The following C1QTNF3 variants were observed in gnomAD, a reference collection of about 807,000 sequenced individuals.
The protein encoded by C1QTNF3 is C1q and TNF related 3, also known as complement C1q tumor necrosis factor-related protein 3.
In C1QTNF3, 26 loss-of-function variants were observed where a neutral mutation model predicts 32.6. The ratio of observed to expected loss-of-function variants is 0.80; its 90% confidence interval spans 0.58 to 1.11. The LOEUF (loss-of-function observed/expected upper bound fraction) is 1.11. C1QTNF3 is among the 50% of genes least tolerant of loss of function. The pLI is 0.00. For synonymous variants in C1QTNF3, 155 were observed against 146.0 expected, an observed-to-expected ratio of 1.06 and a Z score of -0.44; for missense variants, 362 against 398.2, an observed-to-expected ratio of 0.91 and a Z score of 0.77.
the C1QTNF3 span, among the ~76,000 whole-genome samples, chr5:34,088,039 A>G: frequency 1.3e-5 from 2 of 152,384 alleles, no homozygotes; most frequent in South Asian, 4.2e-4. Flanking sequence ...AACTCCTAAA[A>G]ATTTAAGCAA....
At chr5:34,029,988 G>C (rs115731056) in intron 3 of C1QTNF3, among the ~76,000 whole-genome samples, 2 of 151,978 alleles carry the variant, frequency 1.3e-5, no homozygotes, top group Admixed American at 6.5e-5. Context: ...TTTTGGCCCA[G>C]AACTTTTCTA....
At chr5:34,067,089 C>T in the C1QTNF3 span, among the ~76,000 whole-genome samples, 1 of 152,212 alleles carries the variant, frequency 6.6e-6, no homozygotes, top group African/African-American at 2.4e-5. Context: ...ACAAGAGTCA[C>T]ATTTGCTCCA....
the C1QTNF3 span, among the ~76,000 whole-genome samples, chr5:34,153,745 T>C: frequency 1.9e-5 from 2 of 104,424 alleles, no homozygotes; most frequent in African/African-American, 3.8e-5. Flanking sequence ...TTGGGAGATA[T>C]ACCTAATGCT....
the C1QTNF3 span, among the ~76,000 whole-genome samples, chr5:34,179,439 G>A: frequency 1.3e-5 from 2 of 152,248 alleles, no homozygotes; most frequent in African/African-American, 4.8e-5. Flanking sequence ...CCGAAATCAC[G>A]CTACTGCACT....
At chr5:34,234,526 G>C in the C1QTNF3 span, among the ~76,000 whole-genome samples, 5,275 of 152,204 alleles carry the variant, frequency 0.035, 145 homozygotes, top group Non-Finnish European at 0.049. Context: ...ATGACGTGCA[G>C]TTCTCTCCCT....
the C1QTNF3 span, among the ~76,000 whole-genome samples, chr5:34,183,045 C>G: frequency 6.7e-6 from 1 of 150,134 alleles, no homozygotes; most frequent in African/African-American, 2.5e-5. Context: ...GTGGCATGAT[C>G]TGGACTCACT....
the C1QTNF3 span, among the ~76,000 whole-genome samples, chr5:34,177,467 C>T: frequency 1.4e-4 from 21 of 148,086 alleles, no homozygotes; most frequent in African/African-American, 4.7e-4. Flanking sequence ...GAGGCAAGCA[C>T]GACCATACCC....
the C1QTNF3 span, among the ~76,000 whole-genome samples, chr5:34,224,497 A>G: frequency 2.0e-5 from 3 of 151,064 alleles, no homozygotes; most frequent in Non-Finnish European, 4.4e-5. Flanking sequence ...AAATAATGCC[A>G]CATATCTACA....
the C1QTNF3 span, among the ~76,000 whole-genome samples, chr5:34,146,516 A>C: frequency 1.3e-5 from 2 of 152,262 alleles, no homozygotes; most frequent in Non-Finnish European, 2.9e-5. Context: ...AAAGACTCAC[A>C]CTTACAATCA....
the C1QTNF3 span, among the ~76,000 whole-genome samples, chr5:34,098,462 G>C: frequency 6.6e-6 from 1 of 152,158 alleles, no homozygotes; most frequent in Non-Finnish European, 1.5e-5. Flanking sequence ...AGAACTAAAG[G>C]CTGGGCCTGC....
chr5:34,226,912 G>T, the C1QTNF3 span, among the ~76,000 whole-genome samples: 1 of 151,348 alleles, frequency 6.6e-6, no homozygotes, highest in Non-Finnish European at 1.5e-5. Flanking sequence ...TTACAAGATG[G>T]ATCCTTCTTC....
the C1QTNF3 span, among the ~76,000 whole-genome samples, chr5:34,123,177 C>A: frequency 2.6e-5 from 4 of 152,166 alleles, no homozygotes; most frequent in Non-Finnish European, 5.9e-5. Flanking sequence ...TGGGGACAGG[C>A]TATCACAGAG....
At chr5:34,064,934 G>A in the C1QTNF3 span, among the ~76,000 whole-genome samples, 1 of 152,084 alleles carries the variant, frequency 6.6e-6, no homozygotes, top group Non-Finnish European at 1.5e-5. Flanking sequence ...TTAAGTGTAA[G>A]ACTCCAAATT....
At chr5:34,118,121 C>T in the C1QTNF3 span, among the ~76,000 whole-genome samples, 4 of 151,984 alleles carry the variant, frequency 2.6e-5, no homozygotes, top group Non-Finnish European at 5.9e-5. Flanking sequence ...ACTCTGTTGC[C>T]CAGGCTGGAG....
At chr5:34,111,186 G>C in the C1QTNF3 span, among the ~76,000 whole-genome samples, 2 of 151,996 alleles carry the variant, frequency 1.3e-5, no homozygotes, top group African/African-American at 2.4e-5. Flanking sequence ...TTCACTTGTT[G>C]AGCTGAGAAT....
At chr5:34,067,131 A>G in the C1QTNF3 span, among the ~76,000 whole-genome samples, 2 of 152,236 alleles carry the variant, frequency 1.3e-5, no homozygotes, top group Admixed American at 1.3e-4. Flanking sequence ...TCCATCTGAT[A>G]TCATCTCAGC....
chr5:34,068,153 T>C, the C1QTNF3 span, among the ~76,000 whole-genome samples: 1 of 152,210 alleles, frequency 6.6e-6, no homozygotes, highest in Non-Finnish European at 1.5e-5. Flanking sequence ...ATAACTTGTG[T>C]AGAAGATAAA....
In C1QTNF3 at chr5:34,020,471, A is replaced by G. The variant is rs1754297236; in HGVS notation, c.*112T>C. The G allele has an allele frequency of 1.5e-6, 2 of 1,301,572 alleles. No homozygotes were observed. Among genetic ancestry groups the G allele is most frequent in the Admixed American group, 4.3e-5 (2 of 46,756 alleles). The allele number at this position is 1,301,572 out of a possible 1,614,324, so 80.6% of individuals were successfully genotyped here. On this transcript the variant is annotated 3_prime_UTR_variant, in exon 6 of 6. Coordinates refer to ENST00000382065, the MANE Select transcript of C1QTNF3 (RefSeq NM_181435.6). ...TGTAGCGTGAACAACATTGCAACCA[A>G]TAATTTTTTGAATACAGCAATGTAA...
the C1QTNF3 span, among the ~76,000 whole-genome samples, chr5:34,109,927 G>C: frequency 0.042 from 5,706 of 135,436 alleles, no homozygotes; most frequent in East Asian, 0.13. Context: ...AGGTTCCAAA[G>C]GTGAACATCC....
Sources: gnomAD v4.1 joint callset for allele counts (sites outside exome capture counted in the v4.1 genomes callset) on GRCh38, gnomAD v4.1.1 for gene constraint, MANE v1.5 for transcripts, NCBI Gene and HGNC (gene_info 2026-07-23, HGNC 2026-07-21) for gene names.